The following SLC6A11 variants were observed in gnomAD, a reference collection of about 807,000 sequenced individuals.
SLC6A11 encodes solute carrier family 6 member 11, also known as sodium- and chloride-dependent GABA transporter 3.
Under a neutral mutation model 74.8 loss-of-function variants are expected in SLC6A11, and 25 were observed. The observed-to-expected ratio is 0.33, with a 90% confidence interval of 0.24 to 0.47. The LOEUF is 0.47. Among genes scored for constraint, SLC6A11 ranks in the 20% least tolerant of loss-of-function variants. The pLI is 1.00. For missense variants in SLC6A11, 574 were observed against 837.0 expected (o/e 0.69, Z 3.88); for synonymous variants, 330 against 330.2 (o/e 1.00, Z 0.01).
At chr3:10,925,260 G>T (rs1695588060) in intron 8 of SLC6A11, among the ~76,000 whole-genome samples, 1 of 152,206 alleles carries the variant, frequency 6.6e-6, no homozygotes. Context: ...GCATTTACCT[G>T]CTTCAGTGCT....
rs183396705 is a variant in SLC6A11 at position 10,871,641 on chromosome 3, G to A, written c.757-3320G>A. Among the ~76,000 whole-genome samples, 453 of 152,284 alleles carry A rather than the reference G, an allele frequency of 3.0e-3. 2 individuals carry two copies. Among genetic ancestry groups the A allele is most frequent in the African/African-American group, 0.011 (443 of 41,560 alleles). ...GTGTATAAAGCTAAGTGAAACTGGA[G>A]ATTTTATAGCACTTTTAGCTCTCTG... On this transcript the variant is annotated intron_variant, in intron 5 of 13. Coordinates refer to ENST00000254488, the MANE Select transcript of SLC6A11 (RefSeq NM_014229.3).
Position 10,913,939 on chromosome 3 carries a change from T to C in SLC6A11, c.995+1746T>C, listed in dbSNP as rs1054783331. Among the ~76,000 whole-genome samples, 12 of 152,204 alleles carry C rather than the reference T, an allele frequency of 7.9e-5. No individual in the cohort carries two copies. The East Asian group carries it at 1.5e-3, about 20-fold the overall frequency. ...TGATCTCCTGACCTCGTGATCTGCC[T>C]GCCTCAGCCTCCCAAAGTGCTGGGA... is the stretch of plus-strand genomic sequence containing the variant. On this transcript the variant is annotated intron_variant, in intron 7 of 13. Coordinates refer to ENST00000254488, the MANE Select transcript of SLC6A11 (RefSeq NM_014229.3).
chr3:10,918,605 T>TA lies in SLC6A11; in HGVS notation c.1120+152_1120+153insA. 1 of 825,964 alleles carries TA rather than the reference T, an allele frequency of 1.2e-6. No individual in the cohort carries two copies. The highest frequency in any genetic ancestry group is 1.8e-6 in the Non-Finnish European group (1 of 563,252). The allele number at this position is 825,964 out of a possible 1,614,324, so 51.2% of individuals were successfully genotyped here. On this transcript the variant is annotated intron_variant, in intron 8 of 13. Coordinates refer to ENST00000254488, the MANE Select transcript of SLC6A11 (RefSeq NM_014229.3). The surrounding 1 kb of genome is among the most constrained non-coding windows in gnomAD (Gnocchi z 4.5). ...ACCATTCATCCACAATCCAGGATCC[T>TA]GGGAATTACCTAGGAGGAAAGTCTC... is the stretch of plus-strand genomic sequence containing the variant.
chr3:10,935,234 C>A lies in SLC6A11; in HGVS notation c.1746+35C>A, dbSNP rs764200150. The A allele has an allele frequency of 2.5e-6, 4 of 1,602,960 alleles. No homozygotes were observed. In the Admixed American group the frequency reaches 6.7e-5, roughly 27 times the overall value. On this transcript the variant is annotated intron_variant, in intron 13 of 13. Transcript: ENST00000254488. Reference sequence around the variant, plus strand: ...CCCCAGGAGGGCTGGTGCGTTTGGGCAGGGTTCGCGCCTTGGGTCCCAGTT... The same window carrying A: ...CCCCAGGAGGGCTGGTGCGTTTGGGAAGGGTTCGCGCCTTGGGTCCCAGTT...
At position 10,918,759 on chromosome 3, in the gene SLC6A11, G is replaced by T. The variant is rs756751162; in HGVS notation, c.1120+306G>T. 3.3e-5 allele frequency among the ~76,000 whole-genome samples: 5 copies of T among 151,726 alleles called. No homozygotes were observed. Among genetic ancestry groups the T allele is most frequent in the Non-Finnish European group, 5.9e-5 (4 of 67,964 alleles). ...ACCACCATCACTGCTCACCTGGATG[G>T]CTCAGAAACCTTTCCCTGGACTCTG... is the stretch of plus-strand genomic sequence containing the variant. On this transcript the variant is annotated intron_variant, in intron 8 of 13. Coordinates refer to ENST00000254488, the MANE Select transcript of SLC6A11 (RefSeq NM_014229.3). This position sits in a 1 kb window ranked among gnomAD's most constrained non-coding sequence, Gnocchi z 4.5.
intron 6 of SLC6A11, 139 bp from the exon 7 acceptor site, chr3:10,911,951 G>A: frequency 2.9e-6 from 2 of 680,790 alleles, no homozygotes; most frequent in South Asian, 1.7e-5. Flanking sequence ...GGGGTCCTGG[G>A]TAGGTTAGGA....
intron 1 of SLC6A11, among the ~76,000 whole-genome samples, chr3:10,819,056 A>G (rs1694101219): frequency 6.6e-6 from 1 of 152,186 alleles, no homozygotes; most frequent in Non-Finnish European, 1.5e-5. Context: ...GGTGCCCCTC[A>G]CCTGGTCTGT....
At chr3:10,877,890 A>G (rs1694928496) in intron 6 of SLC6A11, among the ~76,000 whole-genome samples, 2 of 152,046 alleles carry the variant, frequency 1.3e-5, no homozygotes, top group African/African-American at 2.4e-5. Context: ...GCACTGGGGT[A>G]CCCTCAGGGG....
At chr3:10,875,952 G>A (rs1412637745) in intron 6 of SLC6A11, among the ~76,000 whole-genome samples, 1 of 152,212 alleles carries the variant, frequency 6.6e-6, no homozygotes, top group African/African-American at 2.4e-5. Context: ...AGGACTCTAG[G>A]TCATTCTAGT....
In SLC6A11 at chr3:10,847,759, A is replaced by G. The variant is rs576218539; in HGVS notation, c.756+3413A>G. On this transcript the variant is annotated intron_variant, in intron 5 of 13. Coordinates refer to ENST00000254488, the MANE Select transcript of SLC6A11 (RefSeq NM_014229.3). ...TAAGCTTTTCAGGGGAGGATCTGGC[A>G]CTTTTGTTCCTGGTTATGACTTGCT... Among the ~76,000 whole-genome samples, 67 of 152,308 alleles carry G rather than the reference A, an allele frequency of 4.4e-4. 1 individual carries two copies. In the South Asian group the frequency reaches 4.8e-3, roughly 11 times the overall value.
At chr3:10,876,744 C>CCCCA in intron 6 of SLC6A11, among the ~76,000 whole-genome samples, 1 of 62,078 alleles carries the variant, frequency 1.6e-5, no homozygotes, top group Non-Finnish European at 4.1e-5. Context: ...CCCGCCCCCC[C>CCCCA]CCCCCCGCCC....
intron 6 of SLC6A11, among the ~76,000 whole-genome samples, chr3:10,889,590 T>C (rs1479908161): frequency 6.6e-6 from 1 of 152,214 alleles, no homozygotes; most frequent in Non-Finnish European, 1.5e-5. Context: ...TTATTACTAC[T>C]GAAAGTGTCT....
At chr3:10,852,533 C>A (rs1575676388) in intron 5 of SLC6A11, among the ~76,000 whole-genome samples, 1 of 152,220 alleles carries the variant, frequency 6.6e-6, no homozygotes, top group Non-Finnish European at 1.5e-5. Flanking sequence ...AGCACAAAGG[C>A]CCCCCAAAGT....
intron 7 of SLC6A11, among the ~76,000 whole-genome samples, chr3:10,916,724 G>T (rs1320718464): frequency 6.6e-6 from 1 of 152,214 alleles, no homozygotes; most frequent in African/African-American, 2.4e-5. Flanking sequence ...TTCACTCCAA[G>T]GAAGAAGGTT....
In SLC6A11 at chr3:10,819,453, G is replaced by T. The variant is rs1353906684; in HGVS notation, c.257-12G>T. Reference sequence around the variant, plus strand: ...GGGACAGTTTTCATTTCATTCCTTTGCATCCTTACAGGGGCATTCCTGATT... The same window carrying T: ...GGGACAGTTTTCATTTCATTCCTTTTCATCCTTACAGGGGCATTCCTGATT... On this transcript the variant is annotated splice_polypyrimidine_tract_variant and intron_variant, in intron 1 of 13. Transcript: ENST00000254488. 1 of 1,601,920 alleles carries T rather than the reference G, an allele frequency of 6.2e-7. No individual in the cohort carries two copies. Among genetic ancestry groups the T allele is most frequent in the South Asian group, 1.1e-5 (1 of 88,048 alleles).
intron 8 of SLC6A11, among the ~76,000 whole-genome samples, chr3:10,925,557 A>C (rs1454184641): frequency 6.6e-6 from 1 of 152,244 alleles, no homozygotes; most frequent in Non-Finnish European, 1.5e-5. Context: ...AGAGGCTGCC[A>C]GGGTGGAAGA....
chr3:10,819,562 C>T lies in SLC6A11; in HGVS notation c.354C>T (p.Gly118=), dbSNP rs777309638. The T allele has an allele frequency of 2.5e-6, 4 of 1,614,080 alleles. No individual in the cohort carries two copies. In the South Asian group the frequency reaches 3.3e-5, roughly 13 times the overall value. Residue 118 remains glycine (G), a synonymous_variant, in exon 2 of 14, where the codon GGC becomes GGT. Coordinates refer to ENST00000254488, the MANE Select transcript of SLC6A11 (RefSeq NM_014229.3). ...TALGQFTSEG[G]ITCWRKVCPL... Reference sequence around the variant, plus strand: ...TGGGGCAGTTCACAAGTGAAGGTGGCATTACGTGTTGGAGGAAAGTTTGCC... The same window carrying T: ...TGGGGCAGTTCACAAGTGAAGGTGGTATTACGTGTTGGAGGAAAGTTTGCC...
At chr3:10,868,674 A>G (rs1256026327) in intron 5 of SLC6A11, among the ~76,000 whole-genome samples, 1 of 152,210 alleles carries the variant, frequency 6.6e-6, no homozygotes, top group Non-Finnish European at 1.5e-5. Context: ...GGCAGTGGCC[A>G]GGAACAGCCA....
At chr3:10,882,010 G>C (rs1694987227) in intron 6 of SLC6A11, among the ~76,000 whole-genome samples, 2 of 152,286 alleles carry the variant, frequency 1.3e-5, no homozygotes, top group Admixed American at 6.5e-5. Flanking sequence ...TCCCTGGGAG[G>C]GTGCTCCTGC....
Sources: allele counts gnomAD v4.1 joint callset (sites outside exome capture counted in the v4.1 genomes callset), GRCh38; gene constraint gnomAD v4.1.1; non-coding constraint Gnocchi (gnomAD v3.1); transcripts MANE v1.5; gene names NCBI Gene and HGNC (gene_info 2026-07-23, HGNC 2026-07-21).